The following ANPEP variants were observed in gnomAD, a reference collection of about 807,000 sequenced individuals.
ANPEP encodes the protein aminopeptidase N.
In ANPEP, 70 loss-of-function variants were observed where a neutral mutation model predicts 114.6. That is an observed-to-expected ratio of 0.61 (90% CI 0.50 to 0.75). The LOEUF (loss-of-function observed/expected upper bound fraction) is 0.75. Among genes scored for constraint, ANPEP ranks in the 30% least tolerant of loss-of-function variants. The pLI is 0.00. For missense variants in ANPEP, 1,184 were observed against 1,259.5 expected (o/e 0.94, Z 0.91); for synonymous variants, 548 against 522.3 (o/e 1.05, Z -0.67).
intron 5 of ANPEP, 22 bp from the exon 6 acceptor site, chr15:89,804,429 CAGGATGAACTCCGGGAGTGG>C: frequency 6.2e-7 from 1 of 1,614,088 alleles, no homozygotes; most frequent in Non-Finnish European, 8.5e-7. Flanking sequence ...ATGCCATTGG[CAGGATGAACTCCGGGAGTGG>C]AGCTCCATCC....
chr15:89,792,586 T>C (rs1968653280), intron 16 of ANPEP, 24 bp from the exon 17 acceptor site: 1 of 1,602,494 alleles, frequency 6.2e-7, no homozygotes, highest in African/African-American at 1.3e-5. Flanking sequence ...GACACGCGGT[T>C]AGCACACCTG....
rs893514541 is a variant in ANPEP at position 89,792,133 on chromosome 15, G to A, written c.2528+27C>T. On this transcript the variant is annotated intron_variant, in intron 18 of 20. Transcript: ENST00000300060. ...TTCTCCAGGTGGGGAGAGGGCTCTC[G>A]CAGTCCCACCCTGCGCCAAGACTCA... is the stretch of plus-strand genomic sequence containing the variant. The A allele has an allele frequency of 6.9e-6, 11 of 1,599,470 alleles. No individual in the cohort carries two copies. The African/African-American group carries it at 8.0e-5, about 12-fold the overall frequency.
chr15:89,797,925 A>G (rs1233991933), intron 14 of ANPEP, among the ~76,000 whole-genome samples: 1 of 152,228 alleles, frequency 6.6e-6, no homozygotes, highest in Non-Finnish European at 1.5e-5. Flanking sequence ...GGGTGGTGCC[A>G]CAAACAAGGC....
At position 89,806,197 on chromosome 15, in the gene ANPEP, G is replaced by A. The variant is rs1894709302; in HGVS notation, c.387C>T (p.Tyr129=). The change falls in exon 2 of 21, where the codon TAC becomes TAT. Residue 129 remains tyrosine (Y), a synonymous_variant. Coordinates refer to ENST00000300060, the MANE Select transcript of ANPEP (RefSeq NM_001150.3). The surrounding 1 kb of genome is among the most constrained non-coding windows in gnomAD (Gnocchi z 5.7). ...VIIIHSKKLN[Y]TLSQGHRVVL... is the part of the protein sequence containing the mutation. ...CCACCCTGTGCCCCTGGCTGAGGGTGTAGTTGAGCTTCTTGCTGTGGATGA... is the reference window on the plus strand; with the variant it reads ...CCACCCTGTGCCCCTGGCTGAGGGTATAGTTGAGCTTCTTGCTGTGGATGA... 8.7e-6 allele frequency: 14 copies of A among 1,614,146 alleles called. No homozygotes were observed. Among genetic ancestry groups the A allele is most frequent in the Non-Finnish European group, 1.2e-5 (14 of 1,180,010 alleles).
At position 89,788,095 on chromosome 15, in the gene ANPEP, C is replaced by T. The variant is rs148448023; in HGVS notation, c.2751+2365G>A. Among the ~76,000 whole-genome samples the T allele has an allele frequency of 5.8e-4, 89 of 152,332 alleles. No homozygotes were observed. The Middle Eastern group carries it at 0.01, about 17-fold the overall frequency. On this transcript the variant is annotated intron_variant, in intron 20 of 20. Transcript: ENST00000300060. ...TTTGTCAGTTTCTCAAAAAGTTAAA[C>T]ACAGAGTAACCAAATGACCCAGCAA...
rs767186190 is a variant in ANPEP at position 89,799,582 on chromosome 15, G to A, written c.1820-23C>T. 1 of 1,614,054 alleles carries A rather than the reference G, an allele frequency of 6.2e-7. No individual in the cohort carries two copies. The highest frequency in any genetic ancestry group is 1.1e-5 in the South Asian group (1 of 91,086). On this transcript the variant is annotated intron_variant, in intron 12 of 20. Coordinates refer to ENST00000300060, the MANE Select transcript of ANPEP (RefSeq NM_001150.3). This position sits in a 1 kb window ranked among gnomAD's most constrained non-coding sequence, Gnocchi z 4.2. Reference sequence around the variant, plus strand: ...GGGCTGTGGAGAGGGACGAGACCTGGGCAGGGCTGCTCAGAGGCCATGGGC... The same window carrying A: ...GGGCTGTGGAGAGGGACGAGACCTGAGCAGGGCTGCTCAGAGGCCATGGGC...
intron 16 of ANPEP, among the ~76,000 whole-genome samples, 180 bp from the exon 17 acceptor site, chr15:89,792,742 T>C (rs28591352): frequency 0.36 from 54,001 of 152,012 alleles, 10,402 homozygotes; most frequent in African/African-American, 0.51. Context: ...AAAGCAGCCC[T>C]GTGACCCAGA....
At chr15:89,807,617 C>A (rs540344299) in intron 1 of ANPEP, among the ~76,000 whole-genome samples, 1 of 152,120 alleles carries the variant, frequency 6.6e-6, no homozygotes, top group Non-Finnish European at 1.5e-5. Context: ...CAGAGAATTG[C>A]TTGAATCCGG....
At chr15:89,810,119 C>G (rs1359759502) in intron 1 of ANPEP, among the ~76,000 whole-genome samples, 1 of 152,190 alleles carries the variant, frequency 6.6e-6, no homozygotes, top group Non-Finnish European at 1.5e-5. Context: ...GTGGCTCATG[C>G]CTGTAATCCC....
chr15:89,802,369 G>A (rs570113068), intron 10 of ANPEP: 3 of 152,386 alleles, frequency 2.0e-5, no homozygotes, highest in African/African-American at 7.2e-5. Context: ...GCATCTTGGG[G>A]TCTAGGGGGT....
intron 1 of ANPEP, among the ~76,000 whole-genome samples, chr15:89,812,321 G>A (rs1339377423): frequency 6.6e-6 from 1 of 152,248 alleles, no homozygotes; most frequent in Non-Finnish European, 1.5e-5. Flanking sequence ...CTGCTCTGAG[G>A]GAGCAGTGAG....
intron 14 of ANPEP, 94 bp from the exon 15 acceptor site, chr15:89,797,816 C>G (rs578230926): frequency 1.3e-6 from 2 of 1,515,012 alleles, no homozygotes; most frequent in Non-Finnish European, 1.8e-6. Flanking sequence ...ATGCTCCACA[C>G]CCCTAGGCCC....
At chr15:89,804,915 G>T in intron 4 of ANPEP, 163 bp downstream of exon 4, 1 of 1,073,546 alleles carries the variant, frequency 9.3e-7, no homozygotes, top group Non-Finnish European at 1.3e-6. Context: ...TTCAGGTGCA[G>T]AAATGGAGAA....
chr15:89,813,990 CTG>C lies in ANPEP; in HGVS notation c.-224+780_-224+781del, dbSNP rs1491460966. On this transcript the variant is annotated intron_variant, in intron 1 of 20. Coordinates refer to ENST00000300060, the MANE Select transcript of ANPEP (RefSeq NM_001150.3). The stretch of plus-strand genomic sequence containing the variant: ...TGGGCCGTCCCTGCCCACCGCACTG[CTG>C]GGGGGGGGGGGTGCGTTCTGGAGTC... Among the ~76,000 whole-genome samples, 11 of 93,860 alleles carry C rather than the reference CTG, an allele frequency of 1.2e-4. No individual in the cohort carries two copies. The East Asian group carries it at 1.7e-3, about 15-fold the overall frequency. The allele number at this position is 93,860 out of a possible 152,430, so 61.6% of individuals were successfully genotyped here.
chr15:89,810,387 A>C (rs1894796071), intron 1 of ANPEP, among the ~76,000 whole-genome samples: 1 of 151,456 alleles, frequency 6.6e-6, no homozygotes. Flanking sequence ...TCAAAAAATA[A>C]ATAAATAAAT....
chr15:89,806,758 G>A lies in ANPEP; in HGVS notation c.-175C>T. The A allele has an allele frequency of 9.9e-7, 1 of 1,013,180 alleles. No homozygotes were observed. The highest frequency in any genetic ancestry group is 1.4e-6 in the Non-Finnish European group (1 of 720,006). The allele number at this position is 1,013,180 out of a possible 1,614,324, so 62.8% of individuals were successfully genotyped here. A position where few individuals can be genotyped will look rare whatever the true frequency, so the allele number is the denominator to read the frequency against. On this transcript the variant is annotated 5_prime_UTR_variant, in exon 2 of 21. Coordinates refer to ENST00000300060, the MANE Select transcript of ANPEP (RefSeq NM_001150.3). The surrounding 1 kb of genome is among the most constrained non-coding windows in gnomAD (Gnocchi z 5.7). ...GACTGGGCAGGGGCACGCTCCGCCTGGGGAGAGGAGATCCAGGAACGGTGT... is the reference window on the plus strand; with the variant it reads ...GACTGGGCAGGGGCACGCTCCGCCTAGGGAGAGGAGATCCAGGAACGGTGT...
intron 4 of ANPEP, 115 bp downstream of exon 4, chr15:89,804,963 T>C: frequency 7.0e-7 from 1 of 1,424,618 alleles, no homozygotes; most frequent in African/African-American, 1.4e-5. Context: ...CACTCAGAGG[T>C]GGGATTCCAA....
In ANPEP at chr15:89,806,527, G is replaced by A. The variant is rs1206881128; in HGVS notation, c.57C>T (p.Gly19=). The A allele has an allele frequency of 1.9e-5, 31 of 1,613,084 alleles. No individual in the cohort carries two copies. The highest frequency in any genetic ancestry group is 2.4e-5 in the Non-Finnish European group (28 of 1,179,314). ...KSLGILGILL[G]VAAVCTIIAL... Reference sequence around the variant, plus strand: ...CGATGATTGTGCACACGGCTGCCACGCCCAGGAGGATCCCCAGGATGCCCA... The same window carrying A: ...CGATGATTGTGCACACGGCTGCCACACCCAGGAGGATCCCCAGGATGCCCA... The change falls in exon 2 of 21, where the codon GGC becomes GGT. Residue 19 remains glycine, a synonymous_variant. Transcript: ENST00000300060. The surrounding 1 kb of genome is among the most constrained non-coding windows in gnomAD (Gnocchi z 5.7).
At position 89,792,499 on chromosome 15, in the gene ANPEP, C is replaced by T; in HGVS notation, c.2313G>A (p.Met771Ile). The T allele has an allele frequency of 6.2e-7, 1 of 1,614,150 alleles. No individual in the cohort carries two copies. The highest frequency in any genetic ancestry group is 8.5e-7 in the Non-Finnish European group (1 of 1,180,012). ...CSNGVPECEE[M>I]VSGLFKQWME... ...TCCACTGCTTGAAAAGGCCAGAGAC[C>T]ATCTCCTCACACTCTGGAACTCCGT... The change falls in exon 17 of 21, where the codon ATG becomes ATA. Residue 771 changes from methionine (M) to isoleucine (I), a missense_variant. By Grantham distance (10) the Met-to-Ile change is conservative (BLOSUM62 1). Transcript: ENST00000300060.
Sources: allele counts gnomAD v4.1 joint callset (sites outside exome capture counted in the v4.1 genomes callset), GRCh38; gene constraint gnomAD v4.1.1; non-coding constraint Gnocchi (gnomAD v3.1); transcripts MANE v1.5; gene names NCBI Gene and HGNC (gene_info 2026-07-23, HGNC 2026-07-21).